Variants in CTNNA3 observed in about 807,000 individuals in gnomAD.
The protein encoded by CTNNA3 is catenin alpha-3.
Under a neutral mutation model 95.7 loss-of-function variants are expected in CTNNA3, and 76 were observed. The observed-to-expected ratio is 0.79, with a 90% CI of 0.66 to 0.96. The LOEUF is 0.96. Among genes scored for constraint, CTNNA3 ranks in the 40% least tolerant of loss-of-function variants. CTNNA3 has a pLI of 0.00. For synonymous variants in CTNNA3, 431 were observed against 374.4 expected (o/e 1.15, Z -1.74); for missense variants, 1,191 against 1,089.8 (o/e 1.09, Z -1.31).
chr10:67,169,377 C>T lies in CTNNA3; in HGVS notation c.1047+10940G>A, dbSNP rs148491393. 8.9e-3 allele frequency among the ~76,000 whole-genome samples: 1,352 copies of T among 152,110 alleles called. 82 individuals are homozygous for T. The highest frequency in any genetic ancestry group is 0.081 in the Admixed American group (1,233 of 15,280). On this transcript the variant is annotated intron_variant, in intron 7 of 17. Coordinates refer to ENST00000433211, the MANE Select transcript of CTNNA3 (RefSeq NM_013266.4). Reference sequence around the variant, plus strand: ...AAGCTGGAAGCATCACGTTACCCAACTTCAAACTATACTACAGAACACAGT... The same window carrying T: ...AAGCTGGAAGCATCACGTTACCCAATTTCAAACTATACTACAGAACACAGT...
At chr10:66,592,498 G>A (rs866854429) in intron 10 of CTNNA3, among the ~76,000 whole-genome samples, 30 of 152,000 alleles carry the variant, frequency 2.0e-4, no homozygotes, top group African/African-American at 7.3e-4. Flanking sequence ...TATAATTGAA[G>A]ACCACATTGA....
chr10:66,543,149 C>T (rs904303345), intron 10 of CTNNA3, among the ~76,000 whole-genome samples: 13 of 151,968 alleles, frequency 8.6e-5, no homozygotes, highest in Non-Finnish European at 1.3e-4. Context: ...AGTTCAATGG[C>T]GCAATCTCGG....
At chr10:66,364,399 TA>T (rs1405619012) in intron 12 of CTNNA3, among the ~76,000 whole-genome samples, 9 of 151,774 alleles carry the variant, frequency 5.9e-5, no homozygotes, top group African/African-American at 2.2e-4. Context: ...AATTATTGAA[TA>T]AAAAAATTAC....
chr10:67,213,352 T>C (rs1424690066), intron 6 of CTNNA3, among the ~76,000 whole-genome samples: 1 of 151,818 alleles, frequency 6.6e-6, no homozygotes, highest in Non-Finnish European at 1.5e-5. Flanking sequence ...ATTCTTAATT[T>C]ATCTCACCAG....
At chr10:67,474,434 C>CT (rs2133036512) in intron 5 of CTNNA3, among the ~76,000 whole-genome samples, 1 of 152,318 alleles carries the variant, frequency 6.6e-6, no homozygotes, top group African/African-American at 2.4e-5. Flanking sequence ...TAAAAGGTGA[C>CT]TGTGTGCAAG....
intron 12 of CTNNA3, among the ~76,000 whole-genome samples, chr10:66,349,200 AGCTGACAGTG>A (rs2092548574): frequency 6.6e-6 from 1 of 152,100 alleles, no homozygotes; most frequent in Non-Finnish European, 1.5e-5. Context: ...AGCCTCTAGG[AGCTGACAGTG>A]GCTTTTGGCA....
At chr10:66,597,507 CATACATATATATATATATATATAT>C (rs1478199825) in intron 10 of CTNNA3, among the ~76,000 whole-genome samples, 5 of 79,616 alleles carry the variant, frequency 6.3e-5, no homozygotes, top group South Asian at 4.8e-4. Context: ...CATTTTATTT[CATACATATATATATATATATATAT>C]ATATATATAT....
intron 12 of CTNNA3, among the ~76,000 whole-genome samples, chr10:66,288,199 A>T (rs1564840962): frequency 6.6e-6 from 1 of 152,132 alleles, no homozygotes; most frequent in East Asian, 1.9e-4. Flanking sequence ...ATCTTCACAC[A>T]CATTTTTAAA....
intron 9 of CTNNA3, among the ~76,000 whole-genome samples, chr10:66,693,549 C>T (rs1292462850): frequency 6.6e-6 from 1 of 151,502 alleles, no homozygotes; most frequent in East Asian, 2.0e-4. Context: ...TTAGACAGAT[C>T]AACGAGACAG....
intron 14 of CTNNA3, among the ~76,000 whole-genome samples, chr10:66,092,768 G>C (rs1304296030): frequency 6.6e-6 from 1 of 151,876 alleles, no homozygotes; most frequent in South Asian, 2.1e-4. Flanking sequence ...ATCAATGGAA[G>C]AGGAGAGAGA....
chr10:65,948,402 A>G (rs1041802410), intron 17 of CTNNA3, among the ~76,000 whole-genome samples: 1 of 152,174 alleles, frequency 6.6e-6, no homozygotes, highest in African/African-American at 2.4e-5. Context: ...GAAAGAGTAT[A>G]GATCACTTTT....
chr10:67,310,310 C>A (rs1307044962), intron 5 of CTNNA3, among the ~76,000 whole-genome samples: 1 of 152,032 alleles, frequency 6.6e-6, no homozygotes, highest in Non-Finnish European at 1.5e-5. Flanking sequence ...AAATTACTAC[C>A]CCTAAGTAAT....
intron 7 of CTNNA3, among the ~76,000 whole-genome samples, chr10:66,796,332 G>A (rs1237537771): frequency 6.6e-6 from 1 of 152,028 alleles, no homozygotes; most frequent in Admixed American, 6.6e-5. Flanking sequence ...GGAACAGCAA[G>A]CCTCCAGGAG....
chr10:65,948,925 T>G (rs1243313202), intron 17 of CTNNA3, among the ~76,000 whole-genome samples: 1 of 152,224 alleles, frequency 6.6e-6, no homozygotes, highest in Non-Finnish European at 1.5e-5. Flanking sequence ...TTTACTCATC[T>G]AGAGTAACTA....
chr10:67,613,349 TAAAC>T (rs1407279832), intron 2 of CTNNA3, among the ~76,000 whole-genome samples: 2 of 144,778 alleles, frequency 1.4e-5, no homozygotes, highest in African/African-American at 5.1e-5. Flanking sequence ...CTGTGAAAAA[TAAAC>T]AAACAGTGGT....
intron 5 of CTNNA3, among the ~76,000 whole-genome samples, chr10:67,510,709 A>G (rs1177795271): frequency 6.6e-6 from 1 of 152,180 alleles, no homozygotes; most frequent in East Asian, 1.9e-4. Context: ...AATGTAAAGT[A>G]GTTTTTTCCA....
chr10:67,408,835 A>G (rs1259277908), intron 5 of CTNNA3, among the ~76,000 whole-genome samples: 1 of 142,512 alleles, frequency 7.0e-6, no homozygotes. Context: ...GAAACTATGT[A>G]TCTGACAAAG....
chr10:65,959,350 C>T (rs2077795461), intron 17 of CTNNA3, among the ~76,000 whole-genome samples: 1 of 152,190 alleles, frequency 6.6e-6, no homozygotes. Context: ...CTGGGTGAGG[C>T]AATGCCCCTC....
At chr10:66,006,659 G>T (rs1036455255) in intron 15 of CTNNA3, among the ~76,000 whole-genome samples, 1 of 151,678 alleles carries the variant, frequency 6.6e-6, no homozygotes, top group Non-Finnish European at 1.5e-5. Context: ...TTCCAGCTTC[G>T]CTTTAAACCA....
Sources: gnomAD v4.1 joint callset for allele counts (sites outside exome capture counted in the v4.1 genomes callset) on GRCh38, gnomAD v4.1.1 for gene constraint, MANE v1.5 for transcripts, NCBI Gene and HGNC (gene_info 2026-07-23, HGNC 2026-07-21) for gene names.